RALYL: variants seen among roughly 807,000 people sequenced by gnomAD.
RALYL encodes the protein RNA-binding Raly-like protein.
A neutral mutation model predicts 35.1 loss-of-function variants in RALYL; 29 were observed. That is an observed-to-expected ratio of 0.83 (90% CI 0.61 to 1.13). RALYL has a LOEUF of 1.13. RALYL is among the 50% of genes most tolerant of loss of function. The pLI, the probability that RALYL is intolerant of heterozygous loss-of-function variation, is 0.00. For missense variants in RALYL, 359 were observed against 360.4 expected (o/e 1.00, Z 0.03); for synonymous variants, 120 against 127.6 (o/e 0.94, Z 0.40).
chr8:84,426,438 C>CTGTGTGTGTGTGTGTG (rs71271987), intron 1 of RALYL, among the ~76,000 whole-genome samples: 1 of 135,996 alleles, frequency 7.4e-6, no homozygotes, highest in Non-Finnish European at 1.6e-5. Flanking sequence ...CTCTCTCTCT[C>CTGTGTGTGTGTGTGTG]TGTGTGTGTG....
At chr8:84,672,736 G>A (rs568210328) in intron 2 of RALYL, among the ~76,000 whole-genome samples, 134 of 152,248 alleles carry the variant, frequency 8.8e-4, no homozygotes, top group Admixed American at 1.7e-3. Flanking sequence ...GATCTCATGA[G>A]ACTTATTCAC....
chr8:84,763,627 A>G (rs953511507), intron 2 of RALYL, among the ~76,000 whole-genome samples: 1 of 152,170 alleles, frequency 6.6e-6, no homozygotes, highest in Non-Finnish European at 1.5e-5. Flanking sequence ...TTGGGTTTCT[A>G]TAGGCTTTAT....
intron 2 of RALYL, among the ~76,000 whole-genome samples, chr8:84,707,255 C>A (rs1179802018): frequency 6.6e-6 from 1 of 152,124 alleles, no homozygotes; most frequent in African/African-American, 2.4e-5. Flanking sequence ...GATAAAGAAA[C>A]AATATATGAT....
At chr8:84,615,141 A>C (rs998840071) in intron 2 of RALYL, among the ~76,000 whole-genome samples, 1 of 151,772 alleles carries the variant, frequency 6.6e-6, no homozygotes, top group African/African-American at 2.4e-5. Context: ...GTTGCACTTT[A>C]AGATATTTGT....
chr8:84,375,258 G>A (rs1856684534), intron 1 of RALYL, among the ~76,000 whole-genome samples: 2 of 151,728 alleles, frequency 1.3e-5, no homozygotes, highest in South Asian at 2.1e-4. Flanking sequence ...TTGCCATTCA[G>A]TATCTTGACT....
At chr8:84,915,818 TAAATAG>T (rs896596384) in intron 8 of RALYL, among the ~76,000 whole-genome samples, 8 of 152,066 alleles carry the variant, frequency 5.3e-5, no homozygotes, top group African/African-American at 1.9e-4. Context: ...GAATCCAAAA[TAAATAG>T]AATCTTATTA....
intron 2 of RALYL, among the ~76,000 whole-genome samples, chr8:84,659,159 A>G (rs1830455997): frequency 6.6e-6 from 1 of 152,200 alleles, no homozygotes; most frequent in Admixed American, 6.6e-5. Flanking sequence ...TCCAGGAAAC[A>G]GACACTGAGA....
At chr8:84,492,866 C>A (rs542542366) in intron 1 of RALYL, among the ~76,000 whole-genome samples, 1 of 147,558 alleles carries the variant, frequency 6.8e-6, no homozygotes, top group African/African-American at 2.7e-5. Context: ...TTACATTTTG[C>A]ACACCAGAGC....
At chr8:84,602,005 T>C (rs546325456) in intron 2 of RALYL, among the ~76,000 whole-genome samples, 1 of 152,212 alleles carries the variant, frequency 6.6e-6, no homozygotes, top group East Asian at 1.9e-4. Flanking sequence ...AAAGTTCCCT[T>C]CTTGTCTCGT....
intron 1 of RALYL, among the ~76,000 whole-genome samples, chr8:84,286,305 G>A (rs1255009757): frequency 6.6e-6 from 1 of 152,202 alleles, no homozygotes; most frequent in Non-Finnish European, 1.5e-5. Flanking sequence ...TGTTTGGTTT[G>A]TGCAAGCGGA....
chr8:84,401,563 G>A (rs201356682), intron 1 of RALYL, among the ~76,000 whole-genome samples: 4 of 149,360 alleles, frequency 2.7e-5, no homozygotes, highest in Non-Finnish European at 4.4e-5. Flanking sequence ...GCATGAACCC[G>A]GGAGGCGGAG....
At chr8:84,391,714 G>A (rs7820544) in intron 1 of RALYL, among the ~76,000 whole-genome samples, 4,299 of 152,090 alleles carry the variant, frequency 0.028, 196 homozygotes, top group African/African-American at 0.098. Context: ...ACAACTATTA[G>A]TCTTTACCCC....
At chr8:84,523,678 AC>A (rs1361863737) in intron 1 of RALYL, among the ~76,000 whole-genome samples, 1 of 63,494 alleles carries the variant, frequency 1.6e-5, no homozygotes, top group Non-Finnish European at 2.8e-5. Context: ...CCCCCACCCC[AC>A]CACAGTCCCC....
chr8:84,780,028 A>G (rs1002866866), intron 3 of RALYL, among the ~76,000 whole-genome samples: 1 of 152,218 alleles, frequency 6.6e-6, no homozygotes, highest in African/African-American at 2.4e-5. Context: ...CCAATTAGCT[A>G]TTGATCATTT....
At chr8:84,555,288 T>TACACAC (rs111496991) in intron 2 of RALYL, among the ~76,000 whole-genome samples, 3,512 of 150,760 alleles carry the variant, frequency 0.023, 144 homozygotes, top group African/African-American at 0.079. Flanking sequence ...AATATATACA[T>TACACAC]ACACACACAC....
At chr8:84,771,451 G>A (rs1398171705) in intron 2 of RALYL, among the ~76,000 whole-genome samples, 1 of 152,034 alleles carries the variant, frequency 6.6e-6, no homozygotes, top group African/African-American at 2.4e-5. Flanking sequence ...AACATTTTAA[G>A]TTTATTAGAA....
intron 2 of RALYL, among the ~76,000 whole-genome samples, chr8:84,717,799 T>C (rs532312286): frequency 6.6e-6 from 1 of 152,332 alleles, no homozygotes; most frequent in East Asian, 1.9e-4. Flanking sequence ...ATTTGGAATA[T>C]GACTATCATC....
intron 1 of RALYL, among the ~76,000 whole-genome samples, chr8:84,495,516 T>G (rs932081443): frequency 2.0e-5 from 3 of 152,070 alleles, no homozygotes; most frequent in African/African-American, 7.2e-5. Context: ...TTTAAAGAAA[T>G]ACACCTTGAA....
intron 2 of RALYL, among the ~76,000 whole-genome samples, chr8:84,709,253 T>TC (rs1841747347): frequency 1.3e-5 from 2 of 152,042 alleles, no homozygotes; most frequent in South Asian, 4.1e-4. Flanking sequence ...ATCAGGTCAT[T>TC]CCCCTACTCA....
Sources: gnomAD v4.1 joint callset for allele counts (sites outside exome capture counted in the v4.1 genomes callset) on GRCh38, gnomAD v4.1.1 for gene constraint, MANE v1.5 for transcripts, NCBI Gene and HGNC (gene_info 2026-07-23, HGNC 2026-07-21) for gene names.